Variants in TARS3 observed in about 807,000 individuals in gnomAD.
TARS3 encodes threonine--tRNA ligase 2, cytoplasmic.
Under a neutral mutation model 103.5 loss-of-function variants are expected in TARS3, and 94 were observed. The observed-to-expected ratio is 0.91, with a 90% CI of 0.77 to 1.08. The LOEUF is 1.08. TARS3 is among the 50% of genes least tolerant of loss of function. The probability of loss-of-function intolerance (pLI) is 0.00; values close to 1 mark genes in which losing one functional copy is unlikely to be tolerated. For synonymous variants in TARS3, 416 were observed against 355.4 expected, an observed-to-expected ratio of 1.17 and a Z score of -1.92; for missense variants, 952 against 995.2, an observed-to-expected ratio of 0.96 and a Z score of 0.58.
At chr15:101,665,260 G>A (rs934769620) in intron 15 of TARS3, among the ~76,000 whole-genome samples, 3 of 152,178 alleles carry the variant, frequency 2.0e-5, no homozygotes, top group Non-Finnish European at 4.4e-5. Flanking sequence ...ACTTGAATAA[G>A]TCCACAGACA....
chr15:101,690,760 G>GT (rs1371088361), intron 10 of TARS3, among the ~76,000 whole-genome samples: 1 of 152,082 alleles, frequency 6.6e-6, no homozygotes, highest in Admixed American at 6.5e-5. Flanking sequence ...CTGCAGTAAA[G>GT]TTTTTTTCTA....
intron 3 of TARS3, among the ~76,000 whole-genome samples, chr15:101,715,216 G>A (rs1266020708): frequency 3.4e-5 from 5 of 147,364 alleles, no homozygotes; most frequent in Admixed American, 2.7e-4. Context: ...GCGGGATCTC[G>A]GCTCACTGCA....
chr15:101,688,235 T>A (rs1173387403), intron 10 of TARS3, among the ~76,000 whole-genome samples: 1 of 152,152 alleles, frequency 6.6e-6, no homozygotes, highest in African/African-American at 2.4e-5. Context: ...TGAATCCAAA[T>A]GAAGGAAATA....
Position 101,701,117 on chromosome 15 carries a change from A to G in TARS3, c.1289T>C (p.Phe430Ser), listed in dbSNP as rs778915725. 54 of 1,593,736 alleles carry G rather than the reference A, an allele frequency of 3.4e-5. No homozygotes were observed. The highest frequency in any genetic ancestry group is 4.4e-5 in the Non-Finnish European group (52 of 1,174,056). ...GAAATCTGTAAGCGTATTATAAATG[A>G]AGGCTCCTCTGGGAAGGAAAAAACA... ...GSCFFLPRGA[F>S]IYNTLTDFIR... Residue 430 changes from phenylalanine (F) to serine (S), a missense_variant, in exon 10 of 19, where the codon TTC (phenylalanine) becomes TCC (serine). Physicochemically the swap from Phe to Ser is radical, Grantham distance 155. Around this residue, in one of 2 missense-constraint regions of TARS3, gnomAD observed 540 missense variants for 631.0 expected, o/e 0.86. Coordinates refer to ENST00000335968, the MANE Select transcript of TARS3 (RefSeq NM_152334.3).
Position 101,702,253 on chromosome 15 carries a change from T to C in TARS3, c.1207A>G (p.Arg403Gly). Residue 403 changes from arginine to glycine, a missense_variant, in exon 9 of 19, where the codon AGG (arginine) becomes GGG (glycine). By Grantham distance (125) the Arg-to-Gly change is moderately radical (BLOSUM62 -2). This residue lies in a region of TARS3 where 540 missense variants were observed against 631.0 expected (regional missense o/e 0.86). Transcript: ENST00000335968. ...FQEEAKNRDH[R>G]KIGKEQELFF... ...GTGGGGCATACCTTCCCGATCTTCCTGTGATCTCGGTTCTTTGCTTCCTCT... is the reference window on the plus strand; with the variant it reads ...GTGGGGCATACCTTCCCGATCTTCCCGTGATCTCGGTTCTTTGCTTCCTCT... 6.2e-7 allele frequency: 1 copy of C among 1,614,222 alleles called. No individual in the cohort carries two copies. The highest frequency in any genetic ancestry group is 8.5e-7 in the Non-Finnish European group (1 of 1,180,026).
intron 2 of TARS3, among the ~76,000 whole-genome samples, chr15:101,722,183 G>A (rs1264307090): frequency 5.4e-5 from 8 of 149,454 alleles, no homozygotes; most frequent in Non-Finnish European, 1.0e-4. Flanking sequence ...CTCAAAGCCT[G>A]CCTCCTCTAC....
chr15:101,668,505 GA>G (rs1280042183), intron 15 of TARS3, among the ~76,000 whole-genome samples: 4 of 152,190 alleles, frequency 2.6e-5, no homozygotes, highest in African/African-American at 9.6e-5. Context: ...GAATAATAAT[GA>G]AAAAGCTTGA....
chr15:101,701,687 G>T (rs1209578293), intron 9 of TARS3, among the ~76,000 whole-genome samples: 1 of 152,180 alleles, frequency 6.6e-6, no homozygotes, highest in Non-Finnish European at 1.5e-5. Flanking sequence ...AGCTCAGGCC[G>T]AGCTGCTTTC....
rs1385588413 is a variant in TARS3, at chr15:101,654,494, A to G, written c.*88T>C. 2.8e-6 allele frequency: 4 copies of G among 1,444,296 alleles called. No individual in the cohort carries two copies. In the South Asian group the frequency reaches 5.4e-5, roughly 20 times the overall value. 89.5% of individuals were successfully genotyped at this position (1,444,296 alleles called of 1,614,324 possible). A position where few individuals can be genotyped will look rare whatever the true frequency, so the allele number is the denominator to read the frequency against. On this transcript the variant is annotated 3_prime_UTR_variant, in exon 19 of 19. Transcript: ENST00000335968. The stretch of plus-strand genomic sequence containing the variant: ...CATGAGTGGACCCATCAGTGGCTCC[A>G]AAGTCGTAGAAGTACTAACATGTTA...
At chr15:101,656,337 G>A (rs932859546) in intron 18 of TARS3, among the ~76,000 whole-genome samples, 7 of 152,160 alleles carry the variant, frequency 4.6e-5, no homozygotes, top group South Asian at 2.1e-4. Flanking sequence ...TATTTATTTC[G>A]CCTTCTACAG....
chr15:101,666,281 GC>G (rs1567324840), intron 15 of TARS3, among the ~76,000 whole-genome samples: 1 of 151,934 alleles, frequency 6.6e-6, no homozygotes, highest in Non-Finnish European at 1.5e-5. Context: ...TTCGAGACCA[GC>G]CTGGCCAACA....
At chr15:101,687,670 A>G (rs143460580) in intron 10 of TARS3, among the ~76,000 whole-genome samples, 2,638 of 152,282 alleles carry the variant, frequency 0.017, 52 homozygotes, top group African/African-American at 0.046. Context: ...ATGTTTAGAA[A>G]TGATTTTAAA....
At chr15:101,720,031 C>G (rs1367153273) in intron 3 of TARS3, among the ~76,000 whole-genome samples, 8 of 152,208 alleles carry the variant, frequency 5.3e-5, no homozygotes, top group African/African-American at 1.7e-4. Context: ...ATTTAACATG[C>G]AACCTGACTC....
intron 12 of TARS3, among the ~76,000 whole-genome samples, chr15:101,679,901 T>C (rs180759040): frequency 4.6e-5 from 7 of 152,318 alleles, no homozygotes; most frequent in Admixed American, 1.3e-4. Flanking sequence ...ACAGGTGTTC[T>C]AGCCCCCCTC....
chr15:101,719,333 G>T (rs575918868), intron 3 of TARS3, among the ~76,000 whole-genome samples: 1 of 152,338 alleles, frequency 6.6e-6, no homozygotes, highest in South Asian at 2.1e-4. Flanking sequence ...CAGCCTGATG[G>T]GGGGTGTTCT....
chr15:101,653,739 CTT>C lies in TARS3; in HGVS notation c.*841_*842del, dbSNP rs1451462612. On this transcript the variant is annotated 3_prime_UTR_variant, in exon 19 of 19. Coordinates refer to ENST00000335968, the MANE Select transcript of TARS3 (RefSeq NM_152334.3). ...GCATATCGCAAAATAAACAATACTT[CTT>C]GTTTGGTAGCTGAATTCTCTATTGA... 9 of 152,316 alleles carry C rather than the reference CTT, an allele frequency of 5.9e-5. No individual in the cohort carries two copies. In the East Asian group the frequency reaches 1.5e-3, roughly 26 times the overall value. 9.4% of individuals were successfully genotyped at this position (152,316 alleles called of 1,614,324 possible). A position where few individuals can be genotyped will look rare whatever the true frequency, so the allele number is the denominator to read the frequency against.
intron 16 of TARS3, among the ~76,000 whole-genome samples, chr15:101,661,067 C>T (rs1264877496): frequency 3.8e-5 from 3 of 78,924 alleles, no homozygotes; most frequent in East Asian, 4.8e-4. Flanking sequence ...TCCTTATCTC[C>T]GGCCATTCTT....
intron 10 of TARS3, among the ~76,000 whole-genome samples, chr15:101,691,405 AAGTAG>A (rs1898717821): frequency 6.6e-6 from 1 of 151,104 alleles, no homozygotes. Context: ...TCAGCCTCCC[AAGTAG>A]CTGAGATCAC....
At chr15:101,714,604 T>TAA (rs1900039689) in intron 4 of TARS3, 1 of 40,564 alleles carries the variant, frequency 2.5e-5, no homozygotes, top group South Asian at 3.2e-4. Flanking sequence ...AGACTCCATC[T>TAA]CAAAAAAAAA....
Sources: gnomAD v4.1 joint callset for allele counts (sites outside exome capture counted in the v4.1 genomes callset) on GRCh38, gnomAD v4.1.1 for gene constraint, gnomAD v4.1.1 regional missense constraint, MANE v1.5 for transcripts, NCBI Gene and HGNC (gene_info 2026-07-23, HGNC 2026-07-21) for gene names.